USP6: variants seen among roughly 807,000 people sequenced by gnomAD.
USP6 encodes the protein ubiquitin specific peptidase 6.
Under a neutral mutation model 175.7 loss-of-function variants are expected in USP6, and 128 were observed. That is an observed-to-expected ratio of 0.73 (90% CI 0.63 to 0.84). The LOEUF (loss-of-function observed/expected upper bound fraction) is 0.84. USP6 is among the 40% of genes least tolerant of loss of function. The pLI is 0.00. For synonymous variants in USP6, 562 were observed against 630.6 expected (o/e 0.89, Z 1.63); for missense variants, 1,498 against 1,760.3 (o/e 0.85, Z 2.67).
Position 5,163,591 on chromosome 17 carries a change from A to G in USP6, c.3036+587A>G, listed in dbSNP as rs946221210. On this transcript the variant is annotated intron_variant, in intron 33 of 37. Coordinates refer to ENST00000574788, the MANE Select transcript of USP6 (RefSeq NM_001304284.2). The stretch of plus-strand genomic sequence containing the variant: ...CATTGGGAATCAAATTTCAACATGC[A>G]TTTTGGTGGAGACAAACCATATCCA... Among the ~76,000 whole-genome samples the G allele has an allele frequency of 4.8e-4, 73 of 152,254 alleles. 1 individual carries two copies. The highest frequency in any genetic ancestry group is 1.3e-4 in the Non-Finnish European group (9 of 68,046).
intron 29 of USP6, 148 bp from the exon 30 acceptor site, chr17:5,148,408 C>T (rs2073670768): frequency 9.9e-7 from 1 of 1,005,784 alleles, no homozygotes; most frequent in East Asian, 2.7e-5. Context: ...TTAAAATCTT[C>T]CAATAAATCT....
chr17:5,135,163 G>T (rs2073210000), intron 15 of USP6, 71 bp from the exon 16 acceptor site: 2 of 1,538,936 alleles, frequency 1.3e-6, no homozygotes, highest in Non-Finnish European at 1.8e-6. Context: ...GATTTGTTAG[G>T]ATTTGTAGAC....
intron 2 of USP6, among the ~76,000 whole-genome samples, chr17:5,119,879 T>C (rs1235685269): frequency 6.6e-6 from 1 of 152,196 alleles, no homozygotes. Flanking sequence ...AAGGGATTTA[T>C]CTACGGCTGC....
At chr17:5,154,428 T>C (rs760074265) in intron 30 of USP6, among the ~76,000 whole-genome samples, 7 of 152,220 alleles carry the variant, frequency 4.6e-5, no homozygotes, top group Non-Finnish European at 1.0e-4. Context: ...TAAACAGCCA[T>C]TTCCAGGATA....
In USP6 at chr17:5,144,335, A is replaced by G. The variant is rs1454930500; in HGVS notation, c.1819-355A>G. ...TGTACCTGTAAAATATACATATTTT[A>G]TATGCATATAAAAATGTGTAAAACA... is the stretch of plus-strand genomic sequence containing the variant. On this transcript the variant is annotated intron_variant, in intron 25 of 37. Transcript: ENST00000574788. Among the ~76,000 whole-genome samples the G allele has an allele frequency of 2.0e-5, 3 of 152,256 alleles. No homozygotes were observed. In the East Asian group the frequency reaches 5.8e-4, roughly 29 times the overall value.
chr17:5,149,661 G>A (rs28690553), intron 30 of USP6, among the ~76,000 whole-genome samples: 118 of 152,012 alleles, frequency 7.8e-4, no homozygotes, highest in Non-Finnish European at 1.3e-3. Flanking sequence ...ACATAAACGC[G>A]GATGGCTTTG....
chr17:5,121,200 G>A (rs915770476), intron 3 of USP6, among the ~76,000 whole-genome samples, 175 bp from the exon 4 acceptor site: 8 of 152,178 alleles, frequency 5.3e-5, no homozygotes, highest in African/African-American at 1.4e-4. Context: ...GCAAACAACC[G>A]CAGAGCAGGC....
chr17:5,130,443 C>T lies in USP6; in HGVS notation c.72+4C>T, dbSNP rs748566939. On this transcript the variant is annotated splice_donor_region_variant and intron_variant, in intron 10 of 37. Transcript: ENST00000574788. The stretch of plus-strand genomic sequence containing the variant: ...CATACTTATGAAGTATGACAAGGTA[C>T]AGTTCGGTCTGCTCCTTGGAGGGAG... 6.2e-7 allele frequency: 1 copy of T among 1,613,990 alleles called. No homozygotes were observed. The highest frequency in any genetic ancestry group is 1.3e-5 in the African/African-American group (1 of 74,914).
At chr17:5,162,786 G>A (rs1221297751) in intron 32 of USP6, 98 bp from the exon 33 acceptor site, 1 of 1,513,506 alleles carries the variant, frequency 6.6e-7, no homozygotes, top group East Asian at 2.6e-5. Context: ...GGCCCAAGAG[G>A]AAAGCAGAAA....
chr17:5,167,187 T>C (rs2074113170), intron 33 of USP6, among the ~76,000 whole-genome samples: 1 of 152,192 alleles, frequency 6.6e-6, no homozygotes, highest in African/African-American at 2.4e-5. Context: ...TTCATCCAGC[T>C]CTGGTTTCTG....
At chr17:5,149,577 A>G (rs925911150) in intron 30 of USP6, among the ~76,000 whole-genome samples, 34 of 151,060 alleles carry the variant, frequency 2.3e-4, no homozygotes, top group Non-Finnish European at 3.7e-4. Flanking sequence ...AAAAAATTAG[A>G]AAAAAACAAA....
rs78476887 is a variant in USP6, at chr17:5,133,489, C to T, written c.323C>T (p.Pro108Leu). ...YKGIPMNIRG[P>L]VWSVLLNIQE... ...GGAATTCCCATGAACATCCGGGGCCCGGTGTGGTCAGTCCTCCTGAACATT... is the reference window on the plus strand; with the variant it reads ...GGAATTCCCATGAACATCCGGGGCCTGGTGTGGTCAGTCCTCCTGAACATT... Residue 108 changes from proline to leucine, a missense_variant, in exon 14 of 38, where the codon CCG (proline) becomes CTG (leucine). Pro to Leu is a moderately conservative substitution (Grantham distance 98, BLOSUM62 -3). Around this residue, in one of 2 missense-constraint regions of USP6, gnomAD observed 281 missense variants for 259.6 expected, o/e 1.08. Coordinates refer to ENST00000574788, the MANE Select transcript of USP6 (RefSeq NM_001304284.2). The T allele has an allele frequency of 1.7e-5, 27 of 1,611,618 alleles. No homozygotes were observed. Among genetic ancestry groups the T allele is most frequent in the South Asian group, 4.4e-5 (4 of 90,986 alleles).
At chr17:5,152,437 CTAGT>C (rs1333570723) in intron 30 of USP6, among the ~76,000 whole-genome samples, 5 of 152,144 alleles carry the variant, frequency 3.3e-5, no homozygotes, top group African/African-American at 1.2e-4. Context: ...ATACAATTTT[CTAGT>C]TAAAGATAAG....
At position 5,153,855 on chromosome 17, in the gene USP6, C is replaced by T. The variant is rs1377798859; in HGVS notation, c.2644-1567C>T. Among the ~76,000 whole-genome samples the T allele has an allele frequency of 5.9e-5, 9 of 152,014 alleles. No homozygotes were observed. In the East Asian group the frequency reaches 7.7e-4, roughly 13 times the overall value. ...ATTTTTAGTAGAGACAGGGTTTCAC[C>T]GTATTGGCCAGGCTGGTCTCGCACT... On this transcript the variant is annotated intron_variant, in intron 30 of 37. Transcript: ENST00000574788.
rs369453956 is a variant in USP6 at position 5,170,489 on chromosome 17, T to C, written c.3528T>C (p.Ser1176=). The part of the protein sequence containing the change: ...NISSSPKGSP[S]SSRKSGTSCP... ...CTGTCCTGTTCACAGGTTCTCCTTC[T>C]TCATCAAGAAAAAGTGGAACCAGCT... is the stretch of plus-strand genomic sequence containing the variant. The change falls in exon 36 of 38, where the codon TCT becomes TCC. Residue 1176 remains serine (S), a synonymous_variant. Coordinates refer to ENST00000574788, the MANE Select transcript of USP6 (RefSeq NM_001304284.2). 523 of 1,608,734 alleles carry C rather than the reference T, an allele frequency of 3.3e-4. 3 individuals are homozygous for C. The African/African-American group carries it at 6.5e-3, about 20-fold the overall frequency.
chr17:5,141,514 T>C lies in USP6; in HGVS notation c.1573+15T>C. Reference sequence around the variant, plus strand: ...TAGACAAAAGGGTAAGTCTCCAGTATTATTTTTTAAAGAGATTATTTTAAA... The same window carrying C: ...TAGACAAAAGGGTAAGTCTCCAGTACTATTTTTTAAAGAGATTATTTTAAA... On this transcript the variant is annotated intron_variant, in intron 23 of 37. Transcript: ENST00000574788. 2 of 1,565,978 alleles carry C rather than the reference T, an allele frequency of 1.3e-6. No individual in the cohort carries two copies. Among genetic ancestry groups the C allele is most frequent in the Non-Finnish European group, 8.7e-7 (1 of 1,154,292 alleles).
At chr17:5,135,319 T>G (rs772203059) in intron 16 of USP6, 37 bp downstream of exon 16, 1 of 1,609,702 alleles carries the variant, frequency 6.2e-7, no homozygotes, top group Admixed American at 1.7e-5. Context: ...CAGGCTGTAT[T>G]TCCATATTCA....
intron 9 of USP6, 50 bp downstream of exon 9, chr17:5,130,139 G>A: frequency 1.8e-6 from 1 of 553,830 alleles, no homozygotes; most frequent in Middle Eastern, 5.0e-4. Flanking sequence ...CTCTGTCCAG[G>A]TCCCACTCTT....
rs1239460996 is a variant in USP6, at chr17:5,124,913, T to G, written c.-951T>G. 6.6e-6 allele frequency: 1 copy of G among 152,166 alleles called. No homozygotes were observed. Among genetic ancestry groups the G allele is most frequent in the Non-Finnish European group, 1.5e-5 (1 of 68,032 alleles). The allele number at this position is 152,166 out of a possible 1,614,324, so 9.4% of individuals were successfully genotyped here. Reference sequence around the variant, plus strand: ...TTTTGGGTGGTTCAAGGTGAATAATTTCAATTGACATAATAATGTATTTAT... The same window carrying G: ...TTTTGGGTGGTTCAAGGTGAATAATGTCAATTGACATAATAATGTATTTAT... On this transcript the variant is annotated 5_prime_UTR_variant, in exon 5 of 38. The change creates a new upstream start codon in the 5' untranslated region. Transcript: ENST00000574788.
Sources: allele counts gnomAD v4.1 joint callset (sites outside exome capture counted in the v4.1 genomes callset), GRCh38; gene constraint gnomAD v4.1.1; regional missense constraint gnomAD v4.1.1; transcripts MANE v1.5; gene names NCBI Gene and HGNC (gene_info 2026-07-23, HGNC 2026-07-21).